The following CLCA2 variants were observed in gnomAD, a reference collection of about 807,000 sequenced individuals.
CLCA2 encodes calcium-activated chloride channel regulator 2.
A neutral mutation model predicts 82.9 loss-of-function variants in CLCA2; 85 were observed. The ratio of observed to expected loss-of-function variants is 1.03; its 90% CI spans 0.86 to 1.23. CLCA2 has a LOEUF of 1.23. Among genes scored for constraint, CLCA2 ranks in the 50% most tolerant of loss-of-function variants. CLCA2 has a pLI of 0.00. For missense variants in CLCA2, 1,089 were observed against 1,124.8 expected, an observed-to-expected ratio of 0.97 and a Z score of 0.45; for synonymous variants, 421 against 391.7, an observed-to-expected ratio of 1.07 and a Z score of -0.88.
At chr1:86,447,413 CA>C (rs1662873847) in intron 10 of CLCA2, 94 bp from the exon 11 acceptor site, 1 of 1,365,404 alleles carries the variant, frequency 7.3e-7, no homozygotes, top group African/African-American at 1.5e-5. Flanking sequence ...ATCAACAAAA[CA>C]AGAGCAAAAT....
chr1:86,455,620 G>A lies in CLCA2; in HGVS notation c.*93G>A, dbSNP rs7532355. The A allele has an allele frequency of 1.9e-3, 1,432 of 772,714 alleles. 13 individuals carry two copies. The African/African-American group carries it at 0.023, about 12-fold the overall frequency. The allele number at this position is 772,714 out of a possible 1,614,324, so 47.9% of individuals were successfully genotyped here. On this transcript the variant is annotated 3_prime_UTR_variant, in exon 14 of 14. Transcript: ENST00000370565. Reference sequence around the variant, plus strand: ...ACAAAGTCAAATTAACATCAAAACTGTATTAAAATGCATTGAGTTTTTGTA... The same window carrying A: ...ACAAAGTCAAATTAACATCAAAACTATATTAAAATGCATTGAGTTTTTGTA...
intron 10 of CLCA2, among the ~76,000 whole-genome samples, chr1:86,445,876 A>T (rs1289629657): frequency 1.3e-5 from 2 of 152,196 alleles, no homozygotes; most frequent in Non-Finnish European, 2.9e-5. Flanking sequence ...AAAAGTCTCC[A>T]ATTACTGTGT....
At chr1:86,433,208 G>A (rs1470830858) in intron 5 of CLCA2, among the ~76,000 whole-genome samples, 2 of 152,210 alleles carry the variant, frequency 1.3e-5, no homozygotes, top group Non-Finnish European at 2.9e-5. Context: ...AATCAGAAAC[G>A]AGGGAGTTAG....
In CLCA2 at chr1:86,456,498, CCTT is replaced by C. The variant is rs1252732589; in HGVS notation, c.*973_*975del. ...ATCATCTTTCATCTTTAATTTTACT[CCTT>C]CCTCTTATTTTTTTAAAAGATTATC... On this transcript the variant is annotated 3_prime_UTR_variant, in exon 14 of 14. Transcript: ENST00000370565. 1 of 152,060 alleles carries C rather than the reference CCTT, an allele frequency of 6.6e-6. No individual in the cohort carries two copies. The highest frequency in any genetic ancestry group is 2.4e-5 in the African/African-American group (1 of 41,394). 9.4% of individuals were successfully genotyped at this position (152,060 alleles called of 1,614,324 possible).
At position 86,450,653 on chromosome 1, in the gene CLCA2, A is replaced by C. The variant is rs1041755828; in HGVS notation, c.2075A>C (p.Asn692Thr). The change falls in exon 12 of 14, where the codon AAT becomes ACT. Residue 692 changes from asparagine to threonine, a missense_variant. By Grantham distance (65) the Asn-to-Thr change is moderately conservative. Coordinates refer to ENST00000370565, the MANE Select transcript of CLCA2 (RefSeq NM_006536.7). ...NGRYSLKVHV[N>T]HSPSISTPAH... ...AGATATAGCTTGAAAGTGCATGTCA[A>C]TCACTCTCCCAGCATAAGCACCCCA... is the stretch of plus-strand genomic sequence containing the variant. 6.2e-7 allele frequency: 1 copy of C among 1,613,594 alleles called. No individual in the cohort carries two copies. The highest frequency in any genetic ancestry group is 1.3e-5 in the African/African-American group (1 of 75,004).
chr1:86,440,077 A>T, intron 7 of CLCA2, 71 bp from the exon 8 acceptor site: 1 of 1,476,428 alleles, frequency 6.8e-7, no homozygotes, highest in Non-Finnish European at 9.4e-7. Flanking sequence ...TTTGGATGAG[A>T]GTGAATTCTT....
At chr1:86,438,301 G>C (rs1662653866) in intron 6 of CLCA2, among the ~76,000 whole-genome samples, 1 of 152,130 alleles carries the variant, frequency 6.6e-6, no homozygotes, top group Non-Finnish European at 1.5e-5. Flanking sequence ...TTTACACCTG[G>C]TTAGCCCTTC....
chr1:86,425,330 T>A lies in CLCA2; in HGVS notation c.187-9T>A, dbSNP rs1662365868. ...TGGTAAAGTAAGTTTTTCTTTTGTC[T>A]GGCTGTAGGAAATGATAACTGAAGC... is the stretch of plus-strand genomic sequence containing the variant. On this transcript the variant is annotated splice_polypyrimidine_tract_variant and intron_variant, in intron 1 of 13. Coordinates refer to ENST00000370565, the MANE Select transcript of CLCA2 (RefSeq NM_006536.7). 6.5e-7 allele frequency: 1 copy of A among 1,542,716 alleles called. No homozygotes were observed.
At chr1:86,439,279 G>T (rs1662676636) in intron 7 of CLCA2, among the ~76,000 whole-genome samples, 173 bp downstream of exon 7, 1 of 152,166 alleles carries the variant, frequency 6.6e-6, no homozygotes, top group South Asian at 2.1e-4. Context: ...ATTCACCATT[G>T]TACTCCTTGT....
At chr1:86,435,110 AT>A (rs1662581998) in intron 6 of CLCA2, among the ~76,000 whole-genome samples, 1 of 152,092 alleles carries the variant, frequency 6.6e-6, no homozygotes, top group African/African-American at 2.4e-5. Context: ...GTTTTTAATT[AT>A]TTTTATTTTC....
At chr1:86,442,794 C>G (rs1237337773) in intron 9 of CLCA2, among the ~76,000 whole-genome samples, 2 of 152,168 alleles carry the variant, frequency 1.3e-5, no homozygotes, top group Non-Finnish European at 2.9e-5. Context: ...TGGTGTCAGG[C>G]CCACTGGGTT....
intron 8 of CLCA2, among the ~76,000 whole-genome samples, chr1:86,440,776 C>T (rs1662714025): frequency 6.6e-6 from 1 of 151,984 alleles, no homozygotes; most frequent in South Asian, 2.1e-4. Flanking sequence ...TGGCGGGTCC[C>T]TATACTCCCA....
chr1:86,449,191 C>T (rs1196068872), intron 11 of CLCA2, among the ~76,000 whole-genome samples: 3 of 152,122 alleles, frequency 2.0e-5, no homozygotes, highest in Non-Finnish European at 4.4e-5. Context: ...AAAACTTATA[C>T]CTCTGAAATG....
intron 8 of CLCA2, 140 bp downstream of exon 8, chr1:86,440,465 A>G (rs1023532324): frequency 7.4e-6 from 6 of 807,474 alleles, no homozygotes; most frequent in Non-Finnish European, 1.1e-5. Flanking sequence ...TATTGCTAGA[A>G]TCTGTCAAAA....
chr1:86,424,557 T>C, intron 1 of CLCA2, 124 bp downstream of exon 1: 1 of 747,154 alleles, frequency 1.3e-6, no homozygotes, highest in Non-Finnish European at 2.0e-6. Flanking sequence ...TTTTAAAAGA[T>C]AGCGCCACAA....
rs771078913 is a variant in CLCA2 at position 86,447,787 on chromosome 1, G to A, written c.1984+9G>A. Reference sequence around the variant, plus strand: ...CCTTGATGATGGAGCAGGTAACAAGGAATGTCATGACATTTTATCATCTTC... The same window carrying A: ...CCTTGATGATGGAGCAGGTAACAAGAAATGTCATGACATTTTATCATCTTC... On this transcript the variant is annotated intron_variant, in intron 11 of 13. Transcript: ENST00000370565. The A allele has an allele frequency of 1.7e-5, 27 of 1,607,792 alleles. No individual in the cohort carries two copies. Among genetic ancestry groups the A allele is most frequent in the Non-Finnish European group, 2.3e-5 (27 of 1,178,926 alleles).
rs759535673 is a variant in CLCA2, at chr1:86,432,396, T to A, written c.612T>A (p.Phe204Leu). Reference protein sequence around the residue: ...TRCSSDITGIFVCEKGPCPQE... With the variant: ...TRCSSDITGILVCEKGPCPQE... ...GTTCATCTGACATCACAGGCATTTT[T>A]GTGTGTGAAAAAGGTCCTTGCCCCC... The change falls in exon 5 of 14, where the codon TTT becomes TTA. Residue 204 changes from phenylalanine (F) to leucine (L), a missense_variant. Coordinates refer to ENST00000370565, the MANE Select transcript of CLCA2 (RefSeq NM_006536.7). 2.5e-6 allele frequency: 4 copies of A among 1,613,852 alleles called. No homozygotes were observed. In the East Asian group the frequency reaches 6.7e-5, roughly 27 times the overall value.
Position 86,438,197 on chromosome 1 carries a change from T to C in CLCA2, c.973-679T>C, listed in dbSNP as rs779665422. ...AGTGGGTGGTCATTGAAGCTCAGCTTGCTGCTCCTCTCTTTTCCCAGAGCT... is the reference window on the plus strand; with the variant it reads ...AGTGGGTGGTCATTGAAGCTCAGCTCGCTGCTCCTCTCTTTTCCCAGAGCT... On this transcript the variant is annotated intron_variant, in intron 6 of 13. Coordinates refer to ENST00000370565, the MANE Select transcript of CLCA2 (RefSeq NM_006536.7). Among the ~76,000 whole-genome samples, 10 of 152,288 alleles carry C rather than the reference T, an allele frequency of 6.6e-5. No homozygotes were observed. The South Asian group carries it at 8.3e-4, about 13-fold the overall frequency.
Position 86,441,548 on chromosome 1 carries a change from G to A in CLCA2, c.1488+5G>A. ...ATTTTCCAGCAACATATTCAGGTCA[G>A]AATTTTCTCAATGTTATATTTCCAG... On this transcript the variant is annotated splice_donor_5th_base_variant and intron_variant, in intron 9 of 13. Coordinates refer to ENST00000370565, the MANE Select transcript of CLCA2 (RefSeq NM_006536.7). 1 of 1,585,254 alleles carries A rather than the reference G, an allele frequency of 6.3e-7. No individual in the cohort carries two copies. Among genetic ancestry groups the A allele is most frequent in the Non-Finnish European group, 8.7e-7 (1 of 1,155,240 alleles).
Sources: allele counts gnomAD v4.1 joint callset (sites outside exome capture counted in the v4.1 genomes callset), GRCh38; gene constraint gnomAD v4.1.1; transcripts MANE v1.5; gene names NCBI Gene and HGNC (gene_info 2026-07-23, HGNC 2026-07-21).